The following ELMO1 variants were observed in gnomAD, a reference collection of about 807,000 sequenced individuals.
ELMO1 encodes the protein engulfment and cell motility protein 1.
In ELMO1, 26 loss-of-function variants were observed where a neutral mutation model predicts 98.9. The observed-to-expected ratio is 0.26, with a 90% CI of 0.19 to 0.36. ELMO1 has a LOEUF of 0.36. ELMO1 is among the 10% of genes least tolerant of loss of function. The probability of loss-of-function intolerance (pLI) is 1.00; values close to 1 mark genes in which losing one functional copy is unlikely to be tolerated. For synonymous variants in ELMO1, 346 were observed against 346.0 expected (o/e 1.00, Z 0.00); for missense variants, 627 against 935.2 (o/e 0.67, Z 4.30).
chr7:37,074,505 A>G lies in ELMO1; in HGVS notation c.1300+22114T>C, dbSNP rs536213512. Among the ~76,000 whole-genome samples, 310 of 152,314 alleles carry G rather than the reference A, an allele frequency of 2.0e-3. 2 individuals are homozygous for G. The highest frequency in any genetic ancestry group is 7.3e-3 in the African/African-American group (304 of 41,570). ...GAGACATAGCTGATGTCCAGTAGGT[A>G]TTTGCCTAATAACTCTGTGGCCTGG... On this transcript the variant is annotated intron_variant, in intron 15 of 21. Transcript: ENST00000310758.
At chr7:37,386,568 G>A (rs1802811343) in intron 1 of ELMO1, among the ~76,000 whole-genome samples, 1 of 145,678 alleles carries the variant, frequency 6.9e-6, no homozygotes, top group Admixed American at 6.9e-5. Flanking sequence ...GGTAAGGTAA[G>A]TAGAGATCCA....
At chr7:37,392,277 G>A (rs1326068498) in intron 1 of ELMO1, among the ~76,000 whole-genome samples, 1 of 152,204 alleles carries the variant, frequency 6.6e-6, no homozygotes, top group African/African-American at 2.4e-5. Context: ...AGTGGTCTCT[G>A]AGGCAGTACA....
chr7:37,433,130 G>A (rs569096729), intron 1 of ELMO1, among the ~76,000 whole-genome samples: 13 of 152,290 alleles, frequency 8.5e-5, no homozygotes, highest in South Asian at 4.1e-4. Context: ...TGAGGACAGC[G>A]AGAGTTACAT....
chr7:36,911,888 C>T (rs1026086647), intron 16 of ELMO1, among the ~76,000 whole-genome samples: 1 of 152,048 alleles, frequency 6.6e-6, no homozygotes, highest in African/African-American at 2.4e-5. Flanking sequence ...TTAATCAGTC[C>T]CCACATATCA....
At chr7:37,244,618 C>T (rs1186762248) in intron 6 of ELMO1, among the ~76,000 whole-genome samples, 2 of 152,160 alleles carry the variant, frequency 1.3e-5, no homozygotes, top group Non-Finnish European at 2.9e-5. Context: ...CTGTCATTAA[C>T]CAGTTGCATT....
At chr7:37,149,576 T>A (rs1438682602) in intron 13 of ELMO1, among the ~76,000 whole-genome samples, 2 of 152,230 alleles carry the variant, frequency 1.3e-5, no homozygotes, top group Non-Finnish European at 2.9e-5. Flanking sequence ...AACTCAGTCA[T>A]ACTTATTGAT....
rs1054044082 is a variant in ELMO1 at position 36,931,789 on chromosome 7, C to T, written c.1438-36772G>A. 2.0e-5 allele frequency among the ~76,000 whole-genome samples: 3 copies of T among 152,202 alleles called. No individual in the cohort carries two copies. In the East Asian group the frequency reaches 5.8e-4, roughly 29 times the overall value. ...AATGCTTGAGCTGCGTAACCTTGGG[C>T]ACACGTGGAGGGAGATACATCCTCC... On this transcript the variant is annotated intron_variant, in intron 16 of 21. Coordinates refer to ENST00000310758, the MANE Select transcript of ELMO1 (RefSeq NM_014800.11).
chr7:36,929,721 G>T (rs374867934), intron 16 of ELMO1, among the ~76,000 whole-genome samples: 1 of 152,112 alleles, frequency 6.6e-6, no homozygotes, highest in Non-Finnish European at 1.5e-5. Flanking sequence ...GAAAATAGCT[G>T]GCGATGTATA....
At chr7:37,026,331 A>C (rs540350659) in intron 15 of ELMO1, among the ~76,000 whole-genome samples, 1 of 152,284 alleles carries the variant, frequency 6.6e-6, no homozygotes, top group Non-Finnish European at 1.5e-5. Context: ...TGGGGCTCAG[A>C]GCATTAGCCA....
At chr7:37,447,868 G>C (rs990674414) in intron 1 of ELMO1, among the ~76,000 whole-genome samples, 2 of 151,846 alleles carry the variant, frequency 1.3e-5, no homozygotes, top group Non-Finnish European at 2.9e-5. Flanking sequence ...GGCGATCGCA[G>C]TCGCCACTCT....
intron 1 of ELMO1, among the ~76,000 whole-genome samples, chr7:37,352,781 T>G (rs1182058413): frequency 6.6e-6 from 1 of 152,234 alleles, no homozygotes; most frequent in African/African-American, 2.4e-5. Context: ...TTCTATTAAC[T>G]GCAACTTCTA....
intron 1 of ELMO1, among the ~76,000 whole-genome samples, chr7:37,385,494 A>T (rs1802762275): frequency 2.0e-5 from 3 of 152,192 alleles, no homozygotes; most frequent in African/African-American, 2.4e-5. Context: ...GAGAAGAGTG[A>T]TTTGGCTCCT....
At chr7:37,016,351 A>T (rs1184090563) in intron 15 of ELMO1, among the ~76,000 whole-genome samples, 2 of 152,224 alleles carry the variant, frequency 1.3e-5, no homozygotes, top group African/African-American at 2.4e-5. Flanking sequence ...CCTTATGGAC[A>T]TCCTCATTTT....
intron 2 of ELMO1, among the ~76,000 whole-genome samples, chr7:37,317,512 A>G (rs1321801059): frequency 6.6e-6 from 1 of 152,264 alleles, no homozygotes; most frequent in Admixed American, 6.5e-5. Flanking sequence ...AGATCCTGTC[A>G]TTTGCAATAA....
chr7:37,255,374 T>C (rs1795585614), intron 6 of ELMO1, among the ~76,000 whole-genome samples: 1 of 152,208 alleles, frequency 6.6e-6, no homozygotes, highest in African/African-American at 2.4e-5. Flanking sequence ...GCCAACACCT[T>C]GATCATGGAC....
intron 1 of ELMO1, among the ~76,000 whole-genome samples, chr7:37,358,533 C>T (rs1002116969): frequency 2.0e-5 from 3 of 152,194 alleles, no homozygotes; most frequent in Admixed American, 2.0e-4. Context: ...GTTCTGCTGA[C>T]AGGTCTGGTA....
intron 16 of ELMO1, among the ~76,000 whole-genome samples, chr7:36,981,468 C>T (rs765086279): frequency 2.6e-5 from 4 of 151,960 alleles, no homozygotes; most frequent in African/African-American, 2.4e-5. Context: ...AATATTTTCT[C>T]GCTAAACAAA....
chr7:37,310,169 G>A (rs1798819714), intron 4 of ELMO1, among the ~76,000 whole-genome samples: 1 of 152,212 alleles, frequency 6.6e-6, no homozygotes, highest in African/African-American at 2.4e-5. Context: ...ATGAGGCTTA[G>A]CGTATTTCTG....
At chr7:37,211,552 G>A (rs374479863) in intron 12 of ELMO1, 35 bp from the exon 13 acceptor site, 2 of 1,604,980 alleles carry the variant, frequency 1.2e-6, no homozygotes, top group Non-Finnish European at 1.7e-6. Context: ...AAAAGGGAGG[G>A]GAAAAAGCTG....
Sources: allele counts gnomAD v4.1 joint callset (sites outside exome capture counted in the v4.1 genomes callset), GRCh38; gene constraint gnomAD v4.1.1; transcripts MANE v1.5; gene names NCBI Gene and HGNC (gene_info 2026-07-23, HGNC 2026-07-21).